The following ADAMTS5 variants were observed in gnomAD, a reference collection of about 807,000 sequenced individuals.
ADAMTS5 encodes the protein ADAM metallopeptidase with thrombospondin type 1 motif 5.
A neutral mutation model predicts 81.4 loss-of-function variants in ADAMTS5; 54 were observed. The observed-to-expected ratio is 0.66, with a 90% CI of 0.53 to 0.83. ADAMTS5 has a LOEUF of 0.83. Ranked by LOEUF, ADAMTS5 falls within the 40% of genes least tolerant of loss-of-function variation. The pLI is 0.00. For missense variants in ADAMTS5, 1,194 were observed against 1,229.9 expected (o/e 0.97, Z 0.44); for synonymous variants, 532 against 508.8 (o/e 1.05, Z -0.61).
rs1358285049 is a variant in ADAMTS5, at chr21:26,929,971, A to G, written c.2140T>C (p.Ser714Pro). The G allele has an allele frequency of 1.9e-6, 3 of 1,614,166 alleles. No individual in the cohort carries two copies. In the South Asian group the frequency reaches 3.3e-5, roughly 18 times the overall value. ...VRTGCDGIIGSKLQYDKCGVC... is the reference protein window; with the variant it reads ...VRTGCDGIIGPKLQYDKCGVC... ...CCGCACTTGTCATACTGCAGCTTTGAGCCAATGATGCCGTCACAGCCAGTT... is the reference window on the plus strand; with the variant it reads ...CCGCACTTGTCATACTGCAGCTTTGGGCCAATGATGCCGTCACAGCCAGTT... Residue 714 changes from serine (S) to proline (P), a missense_variant, in exon 7 of 8, where the codon TCA becomes CCA. Physicochemically the swap from Ser to Pro is moderately conservative, Grantham distance 74. This residue lies in a region of ADAMTS5 where 696 missense variants were observed against 817.6 expected (regional missense o/e 0.85). Coordinates refer to ENST00000284987, the MANE Select transcript of ADAMTS5 (RefSeq NM_007038.5).
At chr21:26,960,029 C>T (rs959885238) in intron 1 of ADAMTS5, among the ~76,000 whole-genome samples, 2 of 152,184 alleles carry the variant, frequency 1.3e-5, no homozygotes, top group East Asian at 1.9e-4. Context: ...ACTGTACCTT[C>T]CTGCTCCATT....
intron 3 of ADAMTS5, among the ~76,000 whole-genome samples, chr21:26,938,095 C>G (rs572944248): frequency 6.6e-6 from 1 of 152,110 alleles, no homozygotes; most frequent in Admixed American, 6.5e-5. Context: ...CAAAAATTAG[C>G]TGGGTGTGGT....
chr21:26,955,260 G>T (rs944380205), intron 1 of ADAMTS5, among the ~76,000 whole-genome samples: 1 of 152,126 alleles, frequency 6.6e-6, no homozygotes, highest in Non-Finnish European at 1.5e-5. Flanking sequence ...CTTATAATTT[G>T]TTTTCTATTA....
At chr21:26,943,269 A>C in intron 3 of ADAMTS5, 111 bp downstream of exon 3, 1 of 1,104,396 alleles carries the variant, frequency 9.1e-7, no homozygotes, top group Non-Finnish European at 1.3e-6. Flanking sequence ...CACTATCCAC[A>C]CAACTATTGT....
At chr21:26,931,765 G>T (rs1986911799) in intron 6 of ADAMTS5, among the ~76,000 whole-genome samples, 1 of 152,224 alleles carries the variant, frequency 6.6e-6, no homozygotes, top group Non-Finnish European at 1.5e-5. Context: ...ACCTTTTACA[G>T]TGAGTTACAC....
At chr21:26,945,801 T>C (rs1987204152) in intron 2 of ADAMTS5, among the ~76,000 whole-genome samples, 2 of 152,228 alleles carry the variant, frequency 1.3e-5, no homozygotes, top group African/African-American at 4.8e-5. Context: ...TGAAACTTAA[T>C]TGCCACTGAA....
At chr21:26,934,821 A>G (rs1367430173) in intron 3 of ADAMTS5, 72 bp from the exon 4 acceptor site, 2 of 1,567,698 alleles carry the variant, frequency 1.3e-6, no homozygotes, top group African/African-American at 2.7e-5. Flanking sequence ...GGATCTAAAA[A>G]TGAAATGCCC....
chr21:26,927,443 G>A (rs982034022), intron 7 of ADAMTS5, among the ~76,000 whole-genome samples: 1 of 152,140 alleles, frequency 6.6e-6, no homozygotes. Flanking sequence ...AAGAGATTCT[G>A]GAAAGTGTAC....
chr21:26,927,195 G>A lies in ADAMTS5; in HGVS notation c.2226-2575C>T, dbSNP rs151149801. 2.9e-3 allele frequency among the ~76,000 whole-genome samples: 434 copies of A among 152,270 alleles called. 1 individual carries two copies. Among genetic ancestry groups the A allele is most frequent in the South Asian group, 3.9e-3 (19 of 4,824 alleles). On this transcript the variant is annotated intron_variant, in intron 7 of 7. Transcript: ENST00000284987. ...TTTTGTTCAGGGCTATCTGCACAGTGCCAAGGACAATGTCTGTCATGAAAA... is the reference window on the plus strand; with the variant it reads ...TTTTGTTCAGGGCTATCTGCACAGTACCAAGGACAATGTCTGTCATGAAAA...
intron 1 of ADAMTS5, among the ~76,000 whole-genome samples, 176 bp downstream of exon 1, chr21:26,965,112 G>A (rs1457683818): frequency 6.6e-6 from 1 of 152,166 alleles, no homozygotes; most frequent in Non-Finnish European, 1.5e-5. Flanking sequence ...AAATTTCTGC[G>A]GGGCTAACGT....
rs761219617 is a variant in ADAMTS5, at chr21:26,924,313, C to T, written c.2533G>A (p.Val845Ile). ...LATDPTKPLD[V>I]RYSFFVPKKS... Reference sequence around the variant, plus strand: ...TTGGGAACAAAAAAGCTATAACGGACATCTAATGGTTTAGTGGGGTCTGTT... The same window carrying T: ...TTGGGAACAAAAAAGCTATAACGGATATCTAATGGTTTAGTGGGGTCTGTT... Residue 845 changes from valine (V) to isoleucine (I), a missense_variant, in exon 8 of 8, where the codon GTC becomes ATC. Val to Ile is a conservative substitution (Grantham distance 29, BLOSUM62 3). This residue lies in a region of ADAMTS5 where 696 missense variants were observed against 817.6 expected (regional missense o/e 0.85). Coordinates refer to ENST00000284987, the MANE Select transcript of ADAMTS5 (RefSeq NM_007038.5). 2.5e-6 allele frequency: 4 copies of T among 1,614,232 alleles called. No homozygotes were observed. The highest frequency in any genetic ancestry group is 3.4e-6 in the Non-Finnish European group (4 of 1,180,044).
Position 26,928,916 on chromosome 21 carries a change from T to C in ADAMTS5, c.2225+970A>G, listed in dbSNP as rs74851650. Among the ~76,000 whole-genome samples the C allele has an allele frequency of 5.7e-3, 866 of 152,242 alleles. 6 individuals are homozygous for C. Among genetic ancestry groups the C allele is most frequent in the African/African-American group, 0.018 (765 of 41,546 alleles). On this transcript the variant is annotated intron_variant, in intron 7 of 7. Transcript: ENST00000284987. Reference sequence around the variant, plus strand: ...CAAGGTGTTTTATACCTTTGAAACATATAAAAATGCAGGATATAATTGGGC... The same window carrying C: ...CAAGGTGTTTTATACCTTTGAAACACATAAAAATGCAGGATATAATTGGGC...
intron 3 of ADAMTS5, among the ~76,000 whole-genome samples, chr21:26,941,445 A>G (rs1292174865): frequency 6.6e-6 from 1 of 152,132 alleles, no homozygotes; most frequent in Non-Finnish European, 1.5e-5. Context: ...ACTCTTTTAA[A>G]TATAGAATTA....
Position 26,920,168 on chromosome 21 carries a change from C to T in ADAMTS5, c.*3885G>A, listed in dbSNP as rs1986663937. ...CACAAATTCTGGACTTTGAATCTGG[C>T]TGCTGTCCTCACCTGAACCATTAAA... On this transcript the variant is annotated 3_prime_UTR_variant, in exon 8 of 8. Coordinates refer to ENST00000284987, the MANE Select transcript of ADAMTS5 (RefSeq NM_007038.5). The T allele has an allele frequency of 6.6e-6, 1 of 152,090 alleles. No individual in the cohort carries two copies. The highest frequency in any genetic ancestry group is 2.4e-5 in the African/African-American group (1 of 41,436). The allele number at this position is 152,090 out of a possible 1,614,324, so 9.4% of individuals were successfully genotyped here. A position where few individuals can be genotyped will look rare whatever the true frequency, so the allele number is the denominator to read the frequency against.
At chr21:26,944,486 A>C (rs947661113) in intron 2 of ADAMTS5, among the ~76,000 whole-genome samples, 5 of 152,226 alleles carry the variant, frequency 3.3e-5, no homozygotes, top group African/African-American at 1.2e-4. Context: ...ATCAATTTTC[A>C]TGCAGTCTAA....
At chr21:26,963,177 T>C (rs966229772) in intron 1 of ADAMTS5, among the ~76,000 whole-genome samples, 1 of 152,050 alleles carries the variant, frequency 6.6e-6, no homozygotes, top group Non-Finnish European at 1.5e-5. Flanking sequence ...GAAAAATGCA[T>C]GTCCTTATAA....
chr21:26,940,693 A>G (rs1987097975), intron 3 of ADAMTS5, among the ~76,000 whole-genome samples: 1 of 152,122 alleles, frequency 6.6e-6, no homozygotes, highest in South Asian at 2.1e-4. Context: ...GTAGCTTTCT[A>G]TGAGTAAAGT....
At chr21:26,932,293 C>G in intron 5 of ADAMTS5, 114 bp from the exon 6 acceptor site, 1 of 1,127,520 alleles carries the variant, frequency 8.9e-7, no homozygotes, top group Non-Finnish European at 1.2e-6. Context: ...TTTTTTATCC[C>G]ACAGTCTCTT....
At chr21:26,939,467 TC>T (rs1987074729) in intron 3 of ADAMTS5, 1 of 152,200 alleles carries the variant, frequency 6.6e-6, no homozygotes, top group Non-Finnish European at 1.5e-5. Flanking sequence ...GATGTTAAGC[TC>T]TCCTGGCTAG....
Sources: gnomAD v4.1 joint callset for allele counts (sites outside exome capture counted in the v4.1 genomes callset) on GRCh38, gnomAD v4.1.1 for gene constraint, gnomAD v4.1.1 regional missense constraint, MANE v1.5 for transcripts, NCBI Gene and HGNC (gene_info 2026-07-23, HGNC 2026-07-21) for gene names.